Variants in PCLO observed in about 807,000 individuals in gnomAD.
PCLO encodes piccolo presynaptic cytomatrix protein.
In PCLO, 82 loss-of-function variants were observed where a neutral mutation model predicts 427.5. The observed-to-expected ratio is 0.19, with a 90% CI of 0.16 to 0.23. The LOEUF (loss-of-function observed/expected upper bound fraction) is 0.23, where lower values mean the gene tolerates loss of function less well. PCLO is among the 10% of genes least tolerant of loss of function. The pLI is 1.00. For missense variants in PCLO, 6,239 were observed against 6,115.9 expected (o/e 1.02, Z -0.67); for synonymous variants, 2,357 against 2,155.4 (o/e 1.09, Z -2.59).
intron 10 of PCLO, among the ~76,000 whole-genome samples, chr7:82,860,796 A>C (rs1166318832): frequency 1.3e-5 from 2 of 152,078 alleles, no homozygotes; most frequent in Non-Finnish European, 2.9e-5. Context: ...AGAAACAACA[A>C]AAAGTTAAAA....
At chr7:83,098,301 A>G (rs1274293703) in intron 3 of PCLO, among the ~76,000 whole-genome samples, 1 of 118,272 alleles carries the variant, frequency 8.5e-6, no homozygotes, top group East Asian at 4.0e-4. Context: ...GAGACACAGT[A>G]GGAGGTACTT....
At position 82,790,115 on chromosome 7, in the gene PCLO, C is replaced by T. The variant is rs535015931; in HGVS notation, c.15007+11403G>A. Among the ~76,000 whole-genome samples the T allele has an allele frequency of 6.6e-5, 10 of 152,228 alleles. No individual in the cohort carries two copies. The East Asian group carries it at 1.7e-3, about 27-fold the overall frequency. On this transcript the variant is annotated intron_variant, in intron 22 of 24. Transcript: ENST00000333891. ...GTCTGTCCTGCTTTTCGCACCTCTG[C>T]CCCTGCTTGCATTCCAGTCCTTATC... is the stretch of plus-strand genomic sequence containing the variant.
At chr7:82,946,590 G>A (rs1795209450) in intron 6 of PCLO, among the ~76,000 whole-genome samples, 1 of 152,100 alleles carries the variant, frequency 6.6e-6, no homozygotes, top group African/African-American at 2.4e-5. Flanking sequence ...TATCTGGGGA[G>A]ATAGAGGCAC....
intron 3 of PCLO, among the ~76,000 whole-genome samples, chr7:83,103,317 T>C (rs1790779940): frequency 6.6e-6 from 1 of 151,972 alleles, no homozygotes; most frequent in Non-Finnish European, 1.5e-5. Context: ...GTTACTACAT[T>C]ATTTTTCCAT....
At chr7:83,081,801 C>T (rs1033566153) in intron 3 of PCLO, among the ~76,000 whole-genome samples, 27 of 151,730 alleles carry the variant, frequency 1.8e-4, no homozygotes, top group African/African-American at 6.3e-4. Flanking sequence ...CTATTCTTTG[C>T]ATTGCATAAT....
chr7:82,899,299 C>T (rs1293591495), intron 9 of PCLO, among the ~76,000 whole-genome samples: 1 of 151,380 alleles, frequency 6.6e-6, no homozygotes, highest in Non-Finnish European at 1.5e-5. Flanking sequence ...GACACAGAGA[C>T]TAGCCAGGAG....
intron 3 of PCLO, among the ~76,000 whole-genome samples, chr7:82,987,378 G>T (rs1796279998): frequency 6.6e-6 from 1 of 152,018 alleles, no homozygotes; most frequent in African/African-American, 2.4e-5. Flanking sequence ...CAAAACAATT[G>T]TCAATAGTAT....
intron 6 of PCLO, among the ~76,000 whole-genome samples, chr7:82,948,278 G>C (rs555016182): frequency 1.4e-5 from 2 of 144,232 alleles, no homozygotes; most frequent in South Asian, 4.6e-4. Context: ...TTTAGTTTTA[G>C]CTTATACTAC....
At chr7:82,758,757 C>T (rs758820950) in intron 24 of PCLO, 42 bp from the exon 25 acceptor site, 35 of 1,225,986 alleles carry the variant, frequency 2.9e-5, no homozygotes, top group Admixed American at 7.6e-5. Context: ...AATTTATACA[C>T]ATATACATGT....
intron 10 of PCLO, among the ~76,000 whole-genome samples, chr7:82,868,993 G>C (rs1023348060): frequency 6.6e-6 from 1 of 152,046 alleles, no homozygotes; most frequent in African/African-American, 2.4e-5. Flanking sequence ...TACAAAAATT[G>C]CTGAAGTTTT....
intron 9 of PCLO, among the ~76,000 whole-genome samples, chr7:82,881,921 G>C (rs1793517264): frequency 6.6e-6 from 1 of 152,008 alleles, no homozygotes; most frequent in South Asian, 2.1e-4. Flanking sequence ...TGGGATTACA[G>C]GTATGAGCCA....
In PCLO at chr7:83,134,788, G is replaced by T. The variant is rs1318979533; in HGVS notation, c.2762C>A (p.Thr921Lys). ...CCCAGTCACGGTCTCTTGAGGAGTTGTAGGCTGTGATTTGGGGGCATCAGT... is the reference window on the plus strand; with the variant it reads ...CCCAGTCACGGTCTCTTGAGGAGTTTTAGGCTGTGATTTGGGGGCATCAGT... ...SITDAPKSQPTTPQETVTGKL... is the reference protein window; with the variant it reads ...SITDAPKSQPKTPQETVTGKL... Residue 921 changes from threonine to lysine, a missense_variant, in exon 3 of 25, where the codon ACA becomes AAA. Around this residue, in one of 5 missense-constraint regions of PCLO, gnomAD observed 4,677 missense variants for 4,468.4 expected, o/e 1.05. Transcript: ENST00000333891. The T allele has an allele frequency of 1.2e-6, 2 of 1,613,818 alleles. No homozygotes were observed. The highest frequency in any genetic ancestry group is 2.7e-5 in the African/African-American group (2 of 74,910).
At position 82,953,330 on chromosome 7, in the gene PCLO, A is replaced by G. The variant is rs1461879664; in HGVS notation, c.7623T>C (p.Ser2541=). ...CTGAAGTCACTAAATTTAAGGTCAT[A>G]CTTGAAGTTAAAGATAGGCCTGTTG... The part of the protein sequence containing the change: ...PKPTGLSLTS[S]MTLNLVTSAD... Residue 2541 remains serine, a synonymous_variant, in exon 5 of 25, where the codon AGT becomes AGC. Coordinates refer to ENST00000333891, the MANE Select transcript of PCLO (RefSeq NM_033026.6). The G allele has an allele frequency of 1.2e-6, 2 of 1,613,678 alleles. No individual in the cohort carries two copies. The highest frequency in any genetic ancestry group is 1.7e-6 in the Non-Finnish European group (2 of 1,179,838).
At chr7:82,780,557 G>T (rs912327472) in intron 22 of PCLO, among the ~76,000 whole-genome samples, 2 of 152,114 alleles carry the variant, frequency 1.3e-5, no homozygotes, top group Non-Finnish European at 2.9e-5. Flanking sequence ...TTGTTTGTTT[G>T]TTTTGTTTTG....
In PCLO at chr7:82,916,383, A is replaced by T; in HGVS notation, c.11603T>A (p.Ile3868Lys). Residue 3868 changes from isoleucine (I) to lysine (K), a missense_variant, in exon 7 of 25, where the codon ATA becomes AAA. Transcript: ENST00000333891. ...AGATTCTGTTTGGGTTTGTGGTGGT[A>T]TAAACTGGCTGAATTCAGTTTGGGG... ...TAPQTEFSQF[I>K]PPQTQTESQL... 6.2e-7 allele frequency: 1 copy of T among 1,613,728 alleles called. No homozygotes were observed. Among genetic ancestry groups the T allele is most frequent in the Non-Finnish European group, 8.5e-7 (1 of 1,179,734 alleles).
chr7:83,080,185 C>T lies in PCLO; in HGVS notation c.3300+54065G>A, dbSNP rs1790061959. ...TGAATAGTGCTGCAATGAACATACG[C>T]ATGCATGCATCTTTGTAACAGAAGG... On this transcript the variant is annotated intron_variant, in intron 3 of 24. Coordinates refer to ENST00000333891, the MANE Select transcript of PCLO (RefSeq NM_033026.6). 3.9e-5 allele frequency among the ~76,000 whole-genome samples: 6 copies of T among 152,240 alleles called. No homozygotes were observed. The South Asian group carries it at 1.2e-3, about 32-fold the overall frequency.
chr7:83,094,006 C>A (rs1790461671), intron 3 of PCLO, among the ~76,000 whole-genome samples: 1 of 151,700 alleles, frequency 6.6e-6, no homozygotes, highest in Non-Finnish European at 1.5e-5. Context: ...AGATACAGAA[C>A]ATTTTCATCA....
At chr7:82,816,307 T>C (rs531783324) in intron 20 of PCLO, among the ~76,000 whole-genome samples, 20 of 152,248 alleles carry the variant, frequency 1.3e-4, no homozygotes, top group African/African-American at 4.1e-4. Flanking sequence ...GTCTTTGGCA[T>C]TCCTCTACCA....
intron 3 of PCLO, among the ~76,000 whole-genome samples, chr7:83,130,116 A>C (rs1014976320): frequency 6.7e-6 from 1 of 149,454 alleles, no homozygotes; most frequent in African/African-American, 2.4e-5. Flanking sequence ...ATTAATGTAG[A>C]TGTCCATTAT....
Sources: gnomAD v4.1 joint callset for allele counts (sites outside exome capture counted in the v4.1 genomes callset) on GRCh38, gnomAD v4.1.1 for gene constraint, gnomAD v4.1.1 regional missense constraint, MANE v1.5 for transcripts, NCBI Gene and HGNC (gene_info 2026-07-23, HGNC 2026-07-21) for gene names.